RBL2: variants seen among roughly 807,000 people sequenced by gnomAD.
The protein encoded by RBL2 is retinoblastoma-like protein 2.
A neutral mutation model predicts 126.0 loss-of-function variants in RBL2; 56 were observed. That is an observed-to-expected ratio of 0.44 (90% CI 0.36 to 0.56). RBL2 has a LOEUF of 0.56. Among genes scored for constraint, RBL2 ranks in the 20% least tolerant of loss-of-function variants. RBL2 has a pLI of 0.00. For synonymous variants in RBL2, 454 were observed against 478.5 expected (o/e 0.95, Z 0.67); for missense variants, 1,229 against 1,398.2 (o/e 0.88, Z 1.93).
intron 3 of RBL2, 37 bp downstream of exon 3, chr16:53,442,895 A>G (rs2058029359): frequency 1.4e-6 from 2 of 1,481,394 alleles, no homozygotes; most frequent in Non-Finnish European, 9.3e-7. Flanking sequence ...AATACACGTT[A>G]GTCTGTGCTG....
intron 9 of RBL2, among the ~76,000 whole-genome samples, chr16:53,460,473 C>G (rs1443141640): frequency 6.6e-6 from 1 of 152,172 alleles, no homozygotes; most frequent in Admixed American, 6.5e-5. Context: ...TCTCTGTGGC[C>G]TCTTCCTGAG....
intron 17 of RBL2, among the ~76,000 whole-genome samples, chr16:53,473,396 C>T (rs1960598157): frequency 1.3e-5 from 2 of 151,486 alleles, no homozygotes; most frequent in Admixed American, 1.3e-4. Context: ...AGTATGTTTG[C>T]AATTCTTTTG....
chr16:53,481,602 A>G (rs530732560), intron 20 of RBL2, 69 bp from the exon 21 acceptor site: 5 of 1,347,886 alleles, frequency 3.7e-6, no homozygotes, highest in Admixed American at 2.6e-5. Context: ...TCTTCACTCA[A>G]TAATCATTTT....
intron 14 of RBL2, 38 bp downstream of exon 14, chr16:53,467,207 C>G (rs1474390384): frequency 2.6e-6 from 4 of 1,512,310 alleles, no homozygotes; most frequent in Non-Finnish European, 9.2e-7. Context: ...TTGGGGCTTA[C>G]TATCTGGAAA....
chr16:53,471,584 G>A (rs1380258688), intron 17 of RBL2, among the ~76,000 whole-genome samples: 1 of 151,624 alleles, frequency 6.6e-6, no homozygotes, highest in Non-Finnish European at 1.5e-5. Context: ...TTCTCCTGTC[G>A]TAGCCTCCCG....
chr16:53,470,257 T>C (rs1381567149), intron 15 of RBL2, 72 bp downstream of exon 15: 28 of 1,560,514 alleles, frequency 1.8e-5, no homozygotes, highest in Admixed American at 1.6e-4. Context: ...GAGGTTTGGC[T>C]AGAGTGACAT....
At chr16:53,446,973 A>G in intron 3 of RBL2, 69 bp from the exon 4 acceptor site, 1 of 935,188 alleles carries the variant, frequency 1.1e-6, no homozygotes, top group Non-Finnish European at 1.6e-6. Flanking sequence ...CACCTGATTT[A>G]TAATCATTTG....
chr16:53,490,965 T>G lies in RBL2; in HGVS notation c.*665T>G, dbSNP rs1292703202. On this transcript the variant is annotated 3_prime_UTR_variant, in exon 22 of 22. Coordinates refer to ENST00000262133, the MANE Select transcript of RBL2 (RefSeq NM_005611.4). ...TAGGGCTGTAAAATGCATGATTTTG[T>G]AACCCAGATTTTGCTGTATATTTGT... The G allele has an allele frequency of 1.3e-5, 2 of 152,660 alleles. No homozygotes were observed. The highest frequency in any genetic ancestry group is 4.8e-5 in the African/African-American group (2 of 41,456). The allele number at this position is 152,660 out of a possible 1,614,324, so 9.5% of individuals were successfully genotyped here. A position where few individuals can be genotyped will look rare whatever the true frequency, so the allele number is the denominator to read the frequency against.
chr16:53,480,159 CT>C, intron 19 of RBL2, 168 bp downstream of exon 19: 1 of 572,694 alleles, frequency 1.7e-6, no homozygotes, highest in Non-Finnish European at 3.1e-6. Flanking sequence ...CATTACATAG[CT>C]TTGGGGCACA....
rs1960967130 is a variant in RBL2, at chr16:53,481,913, A to G, written c.3249+78A>G. The G allele has an allele frequency of 3.4e-6, 5 of 1,476,284 alleles. No homozygotes were observed. The East Asian group carries it at 1.1e-4, about 34-fold the overall frequency. The allele number at this position is 1,476,284 out of a possible 1,614,324, so 91.4% of individuals were successfully genotyped here. A position where few individuals can be genotyped will look rare whatever the true frequency, so the allele number is the denominator to read the frequency against. On this transcript the variant is annotated intron_variant, in intron 21 of 21. Transcript: ENST00000262133. Reference sequence around the variant, plus strand: ...TAGAAACAGGGTTTGTGCTAAGCTTAGGCACTCATTAGAGTGATGAGAGCT... The same window carrying G: ...TAGAAACAGGGTTTGTGCTAAGCTTGGGCACTCATTAGAGTGATGAGAGCT...
chr16:53,485,670 G>T (rs577600700), intron 21 of RBL2, among the ~76,000 whole-genome samples: 1 of 151,168 alleles, frequency 6.6e-6, no homozygotes, highest in South Asian at 2.1e-4. Flanking sequence ...GCCTGGTAAC[G>T]TGGCAAGACC....
At chr16:53,478,442 T>G (rs190255442) in intron 17 of RBL2, among the ~76,000 whole-genome samples, 64 of 152,266 alleles carry the variant, frequency 4.2e-4, no homozygotes, top group African/African-American at 1.4e-3. Context: ...ATTACACGTA[T>G]GTTGATTTCC....
intron 9 of RBL2, among the ~76,000 whole-genome samples, chr16:53,459,987 T>G (rs374949179): frequency 6.6e-6 from 1 of 152,062 alleles, no homozygotes; most frequent in East Asian, 1.9e-4. Context: ...GAACCTGAGG[T>G]AAGTTCTGAA....
rs550710912 is a variant in RBL2, at chr16:53,481,850, A to C, written c.3249+15A>C. On this transcript the variant is annotated intron_variant, in intron 21 of 21. Coordinates refer to ENST00000262133, the MANE Select transcript of RBL2 (RefSeq NM_005611.4). ...GTCCTTCAAAGGTGAGCCTAACATC[A>C]ATCTTGGCCTTTACTAACCTCAAAA... 2.6e-6 allele frequency: 4 copies of C among 1,560,662 alleles called. No homozygotes were observed. The highest frequency in any genetic ancestry group is 1.4e-5 in the African/African-American group (1 of 73,728).
In RBL2 at chr16:53,479,225, G is replaced by T; in HGVS notation, c.2775G>T (p.Gln925His). 1.9e-6 allele frequency: 3 copies of T among 1,611,090 alleles called. No individual in the cohort carries two copies. Among genetic ancestry groups the T allele is most frequent in the Non-Finnish European group, 2.5e-6 (3 of 1,177,298 alleles). The change falls in exon 18 of 22, where the codon CAG becomes CAT. Residue 925 changes from glutamine (Q) to histidine (H), a missense_variant and splice_region_variant. Around this residue, in one of 2 missense-constraint regions of RBL2, gnomAD observed 1,070 missense variants for 1,274.3 expected, o/e 0.84. Transcript: ENST00000262133. ...GGACTCAGCCGCAGGCCCGGAGCCA[G>T]GTAACTACATTTTCTCTATGGGCTG... ...CYRTQPQARS[Q>H]VYRSVLIKGK...
intron 11 of RBL2, among the ~76,000 whole-genome samples, chr16:53,462,904 G>T (rs144313699): frequency 0.013 from 1,947 of 152,226 alleles, 50 homozygotes; most frequent in African/African-American, 0.044. Context: ...GTAGTGGCAC[G>T]ATCTCGGCTC....
chr16:53,479,364 A>G, intron 18 of RBL2, 139 bp downstream of exon 18: 5 of 665,126 alleles, frequency 7.5e-6, no homozygotes, highest in Non-Finnish European at 1.3e-5. Context: ...TTCTACTTTA[A>G]TCTTTATTCT....
Position 53,470,752 on chromosome 16 carries a change from C to A in RBL2, c.2533C>A (p.His845Asn). 1.2e-6 allele frequency: 2 copies of A among 1,613,886 alleles called. No individual in the cohort carries two copies. The highest frequency in any genetic ancestry group is 1.7e-6 in the Non-Finnish European group (2 of 1,179,916). Residue 845 changes from histidine (H) to asparagine (N), a missense_variant, in exon 17 of 22, where the codon CAT (histidine) becomes AAT (asparagine). By Grantham distance (68) the His-to-Asn change is moderately conservative. Transcript: ENST00000262133. The stretch of plus-strand genomic sequence containing the variant: ...AAATGTTTTTATCTCCTAGGTATAC[C>A]ATTTAGCAGCTGTCCGCCTTCGGGA... ...SLSLFFRKVY[H>N]LAAVRLRDLC...
At chr16:53,485,989 A>G (rs908738687) in intron 21 of RBL2, among the ~76,000 whole-genome samples, 6 of 152,124 alleles carry the variant, frequency 3.9e-5, no homozygotes, top group African/African-American at 1.4e-4. Context: ...ATAATGAAAG[A>G]TAAAGAACAA....
Sources: allele counts gnomAD v4.1 joint callset (sites outside exome capture counted in the v4.1 genomes callset), GRCh38; gene constraint gnomAD v4.1.1; regional missense constraint gnomAD v4.1.1; transcripts MANE v1.5; gene names NCBI Gene and HGNC (gene_info 2026-07-23, HGNC 2026-07-21).